PSMG1: variants seen among roughly 807,000 people sequenced by gnomAD.
PSMG1 encodes the protein Down syndrome critical region gene 2.
Under a neutral mutation model 37.2 loss-of-function variants are expected in PSMG1, and 23 were observed. The observed-to-expected ratio is 0.62, with a 90% CI of 0.44 to 0.88. The LOEUF is 0.88. PSMG1 is among the 40% of genes least tolerant of loss of function. The pLI, the probability that PSMG1 is intolerant of heterozygous loss-of-function variation, is 0.00. For missense variants in PSMG1, 340 were observed against 344.2 expected (o/e 0.99, Z 0.10); for synonymous variants, 127 against 128.0 (o/e 0.99, Z 0.05).
rs1408277432 is a variant in PSMG1, at chr21:39,175,275, C to A, written c.*315G>T. 6.3e-6 allele frequency: 1 copy of A among 159,194 alleles called. No individual in the cohort carries two copies. The highest frequency in any genetic ancestry group is 2.4e-5 in the African/African-American group (1 of 41,500). The allele number at this position is 159,194 out of a possible 1,614,324, so 9.9% of individuals were successfully genotyped here. On this transcript the variant is annotated 3_prime_UTR_variant, in exon 7 of 7. Transcript: ENST00000331573. ...CCATGATAGCACACTGCACTTCAGC[C>A]TGGGCAACAGAGCAAGACCCAGCCT...
At chr21:39,183,513 A>G, upstream of PSMG1, 2 of 1,199,318 alleles carry the variant, frequency 1.7e-6, no homozygotes, top group Non-Finnish European at 1.1e-6. Flanking sequence ...CTCCGCGCAC[A>G]GCCCAAGCTC....
chr21:39,183,243 G>A lies in PSMG1; in HGVS notation c.134+9C>T, dbSNP rs773041701. On this transcript the variant is annotated intron_variant, in intron 1 of 6. Coordinates refer to ENST00000331573, the MANE Select transcript of PSMG1 (RefSeq NM_003720.4). The stretch of plus-strand genomic sequence containing the variant: ...CGGTGAGCGCGCTGCCCTTATCCCG[G>A]TGCCTCACCTCTTCCGCGCCAGCTG... The A allele has an allele frequency of 1.1e-5, 17 of 1,577,732 alleles. 1 individual carries two copies. The highest frequency in any genetic ancestry group is 4.6e-5 in the South Asian group (4 of 87,380).
chr21:39,176,140 G>A (rs1016317243), intron 6 of PSMG1, among the ~76,000 whole-genome samples: 2 of 152,114 alleles, frequency 1.3e-5, no homozygotes, highest in African/African-American at 2.4e-5. Flanking sequence ...CAGAAACAAC[G>A]AACTGACTCA....
At chr21:39,176,446 T>C (rs970675577) in intron 6 of PSMG1, among the ~76,000 whole-genome samples, 4 of 152,212 alleles carry the variant, frequency 2.6e-5, no homozygotes, top group South Asian at 2.1e-4. Context: ...GATGAGGCAA[T>C]TGGCTATTTA....
intron 1 of PSMG1, 30 bp from the exon 2 acceptor site, chr21:39,181,908 C>A (rs374248121): frequency 1.3e-6 from 2 of 1,488,910 alleles, no homozygotes; most frequent in Admixed American, 2.3e-5. Context: ...GAAACTAAAG[C>A]AACTTCAATA....
chr21:39,183,339 G>A lies in PSMG1; in HGVS notation c.47C>T (p.Ala16Val). Residue 16 changes from alanine (A) to valine (V), a missense_variant, in exon 1 of 7, where the codon GCT (alanine) becomes GTT (valine). By Grantham distance (64) the Ala-to-Val change is moderately conservative. Coordinates refer to ENST00000331573, the MANE Select transcript of PSMG1 (RefSeq NM_003720.4). ...FGEVVKAPCR[A>V]GTEDEEEEEE... ...CTCCTCCTCTTCGTCCTCAGTCCCA[G>A]CTCGGCACGGCGCCTTCACCACCTC... The A allele has an allele frequency of 6.4e-7, 1 of 1,573,274 alleles. No individual in the cohort carries two copies.
At chr21:39,180,762 C>T (rs2030799330) in intron 2 of PSMG1, among the ~76,000 whole-genome samples, 1 of 152,140 alleles carries the variant, frequency 6.6e-6, no homozygotes, top group East Asian at 1.9e-4. Context: ...AGTTACTTGC[C>T]ATCATGTACT....
chr21:39,175,703 G>C, intron 6 of PSMG1, 39 bp from the exon 7 acceptor site: 1 of 1,361,016 alleles, frequency 7.3e-7, no homozygotes, highest in Non-Finnish European at 1.1e-6. Context: ...TGAGACCCCA[G>C]GGATTCAGGC....
intron 4 of PSMG1, 26 bp downstream of exon 4, chr21:39,179,898 T>G: frequency 6.2e-7 from 1 of 1,608,732 alleles, no homozygotes; most frequent in South Asian, 1.1e-5. Context: ...AGACTAACCA[T>G]TCACAGGTTT....
At chr21:39,180,982 GTACT>G (rs2030806809) in intron 2 of PSMG1, among the ~76,000 whole-genome samples, 1 of 151,974 alleles carries the variant, frequency 6.6e-6, no homozygotes, top group Non-Finnish European at 1.5e-5. Context: ...TAAAACTTAA[GTACT>G]TAAACATGTT....
chr21:39,177,676 G>A (rs561766035), intron 5 of PSMG1, 105 bp from the exon 6 acceptor site: 412 of 882,040 alleles, frequency 4.7e-4, no homozygotes, highest in Non-Finnish European at 5.6e-4. Context: ...AGTTATCTCA[G>A]CTGCCTCTTT....
intron 5 of PSMG1, 133 bp downstream of exon 5, chr21:39,178,316 A>G: frequency 2.6e-6 from 2 of 777,600 alleles, no homozygotes; most frequent in Non-Finnish European, 4.1e-6. Flanking sequence ...GTAACTACAG[A>G]TATTGAGGAC....
intron 6 of PSMG1, 122 bp downstream of exon 6, chr21:39,177,313 C>T (rs1415237581): frequency 6.2e-6 from 6 of 969,322 alleles, no homozygotes; most frequent in East Asian, 2.9e-5. Context: ...TAGAAAGCTT[C>T]GCTTTGAGAA....
chr21:39,175,430 CA>C lies in PSMG1; in HGVS notation c.*159del. ...GGCTTATTTTGGTTGTGAATAATAC[CA>C]CCATAAATAAGGAATTAAAACTACA... On this transcript the variant is annotated 3_prime_UTR_variant, in exon 7 of 7. Coordinates refer to ENST00000331573, the MANE Select transcript of PSMG1 (RefSeq NM_003720.4). 1 of 1,135,846 alleles carries C rather than the reference CA, an allele frequency of 8.8e-7. No homozygotes were observed. 70.4% of individuals were successfully genotyped at this position (1,135,846 alleles called of 1,614,324 possible). A position where few individuals can be genotyped will look rare whatever the true frequency, so the allele number is the denominator to read the frequency against.
intron 6 of PSMG1, among the ~76,000 whole-genome samples, chr21:39,176,556 A>G (rs760216576): frequency 3.3e-5 from 5 of 152,264 alleles, no homozygotes; most frequent in Non-Finnish European, 5.9e-5. Flanking sequence ...AATTTGCAAG[A>G]TAAGCTTGCA....
chr21:39,180,198 GA>G, intron 3 of PSMG1, 86 bp downstream of exon 3: 1 of 1,439,986 alleles, frequency 6.9e-7, no homozygotes, highest in African/African-American at 1.4e-5. Flanking sequence ...GCAACTGAAA[GA>G]TTTGCCATAC....
Position 39,183,328 on chromosome 21 carries a change from C to T in PSMG1, c.58G>A (p.Asp20Asn). The part of the protein sequence containing the change: ...VKAPCRAGTE[D>N]EEEEEEGRRE... ...CGCCCCTCCTCCTCCTCCTCTTCGT[C>T]CTCAGTCCCAGCTCGGCACGGCGCC... The change falls in exon 1 of 7, where the codon GAC becomes AAC. Residue 20 changes from aspartate (D) to asparagine (N), a missense_variant. Physicochemically the swap from Asp to Asn is conservative, Grantham distance 23. Coordinates refer to ENST00000331573, the MANE Select transcript of PSMG1 (RefSeq NM_003720.4). The T allele has an allele frequency of 1.9e-6, 3 of 1,578,488 alleles. No homozygotes were observed. Among genetic ancestry groups the T allele is most frequent in the Non-Finnish European group, 2.6e-6 (3 of 1,164,842 alleles).
intron 4 of PSMG1, among the ~76,000 whole-genome samples, chr21:39,179,593 T>A (rs1362494322): frequency 1.3e-5 from 2 of 152,134 alleles, no homozygotes; most frequent in Non-Finnish European, 2.9e-5. Context: ...TAATAAGATC[T>A]AAAGTGATGT....
intron 6 of PSMG1, among the ~76,000 whole-genome samples, chr21:39,176,305 T>C (rs1472744978): frequency 1.3e-5 from 2 of 152,222 alleles, no homozygotes; most frequent in African/African-American, 4.8e-5. Context: ...AAGCCCCATA[T>C]GACAGATGAT....
Sources: gnomAD v4.1 joint callset for allele counts (sites outside exome capture counted in the v4.1 genomes callset) on GRCh38, gnomAD v4.1.1 for gene constraint, MANE v1.5 for transcripts, NCBI Gene and HGNC (gene_info 2026-07-23, HGNC 2026-07-21) for gene names.